The following WDPCP variants were observed in gnomAD, a reference collection of about 807,000 sequenced individuals.
WDPCP encodes the protein WD repeat containing planar cell polarity effector, also known as WD repeat-containing and planar cell polarity effector protein fritz homolog.
In WDPCP, 71 loss-of-function variants were observed where a neutral mutation model predicts 93.1. The ratio of observed to expected loss-of-function variants is 0.76; its 90% CI spans 0.63 to 0.93. The LOEUF (loss-of-function observed/expected upper bound fraction) is 0.93. Among genes scored for constraint, WDPCP ranks in the 40% least tolerant of loss-of-function variants. The pLI, the probability that WDPCP is intolerant of heterozygous loss-of-function variation, is 0.00. For missense variants in WDPCP, 844 were observed against 887.4 expected, an observed-to-expected ratio of 0.95 and a Z score of 0.62; for synonymous variants, 315 against 315.0, an observed-to-expected ratio of 1.00 and a Z score of 0.00.
intron 17 of WDPCP, among the ~76,000 whole-genome samples, chr2:63,140,769 T>C (rs963861926): frequency 2.6e-5 from 4 of 152,156 alleles, no homozygotes; most frequent in African/African-American, 9.7e-5. Flanking sequence ...CAGTGACAGT[T>C]TGACTTCCTG....
chr2:63,263,170 C>T (rs1681794231), intron 13 of WDPCP, among the ~76,000 whole-genome samples: 1 of 152,118 alleles, frequency 6.6e-6, no homozygotes, highest in Admixed American at 6.6e-5. Context: ...TCTATATCAC[C>T]TCTCAAGTGG....
At chr2:63,558,721 G>A (rs570508203) in intron 1 of WDPCP, among the ~76,000 whole-genome samples, 4 of 152,084 alleles carry the variant, frequency 2.6e-5, no homozygotes, top group Admixed American at 2.6e-4. Context: ...ACCCTCCCAA[G>A]ACTGAACCAG....
chr2:63,402,225 C>A (rs900769982), intron 10 of WDPCP, among the ~76,000 whole-genome samples: 5 of 152,072 alleles, frequency 3.3e-5, no homozygotes, highest in Non-Finnish European at 7.4e-5. Flanking sequence ...AAAAGAAAAC[C>A]AAACATCACA....
At chr2:63,469,111 G>A (rs550994413) in intron 6 of WDPCP, among the ~76,000 whole-genome samples, 64 of 151,622 alleles carry the variant, frequency 4.2e-4, no homozygotes, top group African/African-American at 1.4e-3. Flanking sequence ...CAATATCGCT[G>A]AGCATTAGAG....
At chr2:63,322,006 T>C (rs1005727743) in intron 12 of WDPCP, among the ~76,000 whole-genome samples, 3 of 152,242 alleles carry the variant, frequency 2.0e-5, no homozygotes, top group Admixed American at 2.0e-4. Flanking sequence ...AAGCTATTAC[T>C]GAGAGGTGAA....
intron 17 of WDPCP, among the ~76,000 whole-genome samples, chr2:63,124,900 G>A (rs1032350608): frequency 2.6e-5 from 4 of 150,992 alleles, no homozygotes; most frequent in African/African-American, 7.3e-5. Context: ...GTTTTTTAAT[G>A]TACTAACAAT....
intron 2 of WDPCP, among the ~76,000 whole-genome samples, chr2:63,788,397 A>T (rs1670499625): frequency 6.6e-6 from 1 of 152,196 alleles, no homozygotes; most frequent in South Asian, 2.1e-4. Context: ...TTACAACTTC[A>T]TATTTTTATA....
intron 1 of WDPCP, among the ~76,000 whole-genome samples, chr2:63,506,712 T>G (rs553265414): frequency 6.6e-6 from 1 of 152,158 alleles, no homozygotes; most frequent in African/African-American, 2.4e-5. Context: ...GTGGATATAA[T>G]ACTTAGAATT....
chr2:63,570,499 C>A (rs893263391), intron 1 of WDPCP, among the ~76,000 whole-genome samples: 69 of 152,056 alleles, frequency 4.5e-4, no homozygotes, highest in Admixed American at 4.5e-3. Context: ...GTTGTGAGAG[C>A]AAAGGAAGGG....
At chr2:63,692,063 A>G (rs1668898306) in intron 2 of WDPCP, among the ~76,000 whole-genome samples, 1 of 151,978 alleles carries the variant, frequency 6.6e-6, no homozygotes, top group Non-Finnish European at 1.5e-5. Context: ...TTATTCCTGG[A>G]AGGACATTTT....
chr2:63,561,434 T>C (rs569812573), intron 1 of WDPCP, among the ~76,000 whole-genome samples: 1 of 151,464 alleles, frequency 6.6e-6, no homozygotes, highest in South Asian at 2.1e-4. Flanking sequence ...GCCAAGATCA[T>C]GCCACTGCAC....
chr2:63,121,810 T>C lies in WDPCP; in HGVS notation c.*196A>G. The C allele has an allele frequency of 1.5e-6, 2 of 1,324,224 alleles. No homozygotes were observed. Among genetic ancestry groups the C allele is most frequent in the Non-Finnish European group, 2.0e-6 (2 of 1,017,040 alleles). 82.0% of individuals were successfully genotyped at this position (1,324,224 alleles called of 1,614,324 possible). On this transcript the variant is annotated 3_prime_UTR_variant, in exon 18 of 18. Transcript: ENST00000272321. ...GTAGGTTGAAGACTTTTACTTACGA[T>C]CACTTTGCTGTTATGCTGCATGTTT...
At chr2:63,154,153 T>A (rs11125951) in intron 15 of WDPCP, among the ~76,000 whole-genome samples, 2,619 of 152,140 alleles carry the variant, frequency 0.017, 82 homozygotes, top group African/African-American at 0.06. Flanking sequence ...TTTTTTGTTT[T>A]AAAATTTGTA....
chr2:63,374,249 A>G (rs1691654114), intron 12 of WDPCP, among the ~76,000 whole-genome samples: 2 of 152,064 alleles, frequency 1.3e-5, no homozygotes, highest in African/African-American at 2.4e-5. Flanking sequence ...CCAAGCACCT[A>G]TCTTACTGTG....
intron 14 of WDPCP, chr2:63,229,694 C>G (rs1015874469): frequency 2.6e-5 from 4 of 151,748 alleles, no homozygotes; most frequent in East Asian, 1.9e-4. Context: ...ATAGGGAATC[C>G]TTTCCCCATT....
intron 9 of WDPCP, among the ~76,000 whole-genome samples, chr2:63,409,532 G>C (rs1451028474): frequency 6.6e-6 from 1 of 152,102 alleles, no homozygotes; most frequent in East Asian, 1.9e-4. Context: ...GCCAGCAATG[G>C]ATCCAAACCA....
intron 14 of WDPCP, among the ~76,000 whole-genome samples, chr2:63,188,012 TC>T (rs1420376546): frequency 1.3e-5 from 2 of 152,178 alleles, no homozygotes; most frequent in African/African-American, 4.8e-5. Context: ...ACTTTAATCA[TC>T]CCATTTCTTT....
At chr2:63,169,519 C>T (rs1212848537) in intron 15 of WDPCP, among the ~76,000 whole-genome samples, 2 of 152,148 alleles carry the variant, frequency 1.3e-5, no homozygotes, top group Non-Finnish European at 2.9e-5. Flanking sequence ...CCTAGCTATA[C>T]TCTTATATTT....
At chr2:63,255,241 C>T (rs1331275905) in intron 14 of WDPCP, among the ~76,000 whole-genome samples, 3 of 152,108 alleles carry the variant, frequency 2.0e-5, no homozygotes, top group Admixed American at 6.5e-5. Context: ...CCGGTCACAA[C>T]TTCTACTTAT....
Sources: gnomAD v4.1 joint callset for allele counts (sites outside exome capture counted in the v4.1 genomes callset) on GRCh38, gnomAD v4.1.1 for gene constraint, MANE v1.5 for transcripts, NCBI Gene and HGNC (gene_info 2026-07-23, HGNC 2026-07-21) for gene names.